PPP3CA: variants seen among roughly 807,000 people sequenced by gnomAD.
PPP3CA encodes protein phosphatase 3 catalytic subunit alpha.
In PPP3CA, 14 loss-of-function variants were observed where a neutral mutation model predicts 66.5. That is an observed-to-expected ratio of 0.21 (90% CI 0.14 to 0.33). The LOEUF is 0.33. PPP3CA is among the 10% of genes least tolerant of loss of function. The pLI is 1.00. For missense variants in PPP3CA, 317 were observed against 639.5 expected, an observed-to-expected ratio of 0.50 and a Z score of 5.44; for synonymous variants, 232 against 226.2, an observed-to-expected ratio of 1.03 and a Z score of -0.23.
chr4:101,142,218 C>A (rs370551191), intron 2 of PPP3CA, among the ~76,000 whole-genome samples: 2 of 152,100 alleles, frequency 1.3e-5, no homozygotes, highest in African/African-American at 2.4e-5. Context: ...ATTATCTGTA[C>A]AGAAGTAAGC....
At chr4:101,300,391 A>G (rs1276911662) in intron 1 of PPP3CA, among the ~76,000 whole-genome samples, 1 of 152,252 alleles carries the variant, frequency 6.6e-6, no homozygotes, top group Non-Finnish European at 1.5e-5. Flanking sequence ...CATAAAGGAC[A>G]AATATCACAT....
chr4:101,063,386 A>C (rs779008232), intron 8 of PPP3CA, 29 bp from the exon 9 acceptor site: 2 of 1,593,840 alleles, frequency 1.3e-6, no homozygotes, highest in Admixed American at 3.5e-5. Flanking sequence ...GGATGTTAGG[A>C]ACACAGAACA....
chr4:101,066,467 C>T (rs1313777077), intron 8 of PPP3CA, among the ~76,000 whole-genome samples: 2 of 151,858 alleles, frequency 1.3e-5, no homozygotes, highest in Non-Finnish European at 2.9e-5. Context: ...ATCACTAATG[C>T]AAAAAATAAT....
At chr4:101,226,723 A>T (rs1482094673) in intron 1 of PPP3CA, among the ~76,000 whole-genome samples, 1 of 151,664 alleles carries the variant, frequency 6.6e-6, no homozygotes, top group Non-Finnish European at 1.5e-5. Flanking sequence ...TTTCATATGA[A>T]GCCTAAGACT....
intron 2 of PPP3CA, among the ~76,000 whole-genome samples, chr4:101,136,323 T>A (rs1041478236): frequency 2.6e-5 from 4 of 152,050 alleles, no homozygotes; most frequent in African/African-American, 9.7e-5. Flanking sequence ...GGTAGATCAC[T>A]GGAGGTCAGG....
intron 1 of PPP3CA, among the ~76,000 whole-genome samples, chr4:101,274,335 C>A (rs1170400622): frequency 6.6e-6 from 1 of 152,076 alleles, no homozygotes; most frequent in East Asian, 1.9e-4. Context: ...TAAAGGAGAA[C>A]TAACATAGAT....
intron 2 of PPP3CA, among the ~76,000 whole-genome samples, chr4:101,134,308 A>G (rs567624341): frequency 1.8e-4 from 27 of 152,358 alleles, no homozygotes; most frequent in African/African-American, 6.5e-4. Flanking sequence ...CAGGCAACCT[A>G]CAGAATGGAA....
At chr4:101,042,554 T>C (rs1727571303) in intron 10 of PPP3CA, among the ~76,000 whole-genome samples, 1 of 152,180 alleles carries the variant, frequency 6.6e-6, no homozygotes, top group Non-Finnish European at 1.5e-5. Flanking sequence ...AGCAAAACCA[T>C]GGGTTCTCAT....
intron 1 of PPP3CA, among the ~76,000 whole-genome samples, chr4:101,243,902 C>T (rs990317927): frequency 1.3e-5 from 2 of 152,116 alleles, no homozygotes; most frequent in Admixed American, 6.5e-5. Context: ...ATGTACTTTC[C>T]AGTTCAAAAC....
At chr4:101,308,918 C>G (rs1460915589) in intron 1 of PPP3CA, among the ~76,000 whole-genome samples, 1 of 152,092 alleles carries the variant, frequency 6.6e-6, no homozygotes, top group Non-Finnish European at 1.5e-5. Flanking sequence ...ACCTCCTGGT[C>G]GGGCATTGTG....
chr4:101,207,107 G>A (rs1033913842), intron 1 of PPP3CA, among the ~76,000 whole-genome samples: 1 of 151,988 alleles, frequency 6.6e-6, no homozygotes, highest in African/African-American at 2.4e-5. Context: ...GTGAATGCAG[G>A]GTCACAAATA....
chr4:101,187,054 T>C (rs1724433603), intron 2 of PPP3CA, among the ~76,000 whole-genome samples: 1 of 152,170 alleles, frequency 6.6e-6, no homozygotes, highest in African/African-American at 2.4e-5. Flanking sequence ...GTGAATATCC[T>C]GCTGAGTGGT....
intron 8 of PPP3CA, among the ~76,000 whole-genome samples, chr4:101,069,182 A>G (rs1728806927): frequency 6.6e-6 from 1 of 152,048 alleles, no homozygotes; most frequent in Non-Finnish European, 1.5e-5. Flanking sequence ...CTACAGGCAC[A>G]CACCACCATG....
chr4:101,114,736 A>T (rs1013805832), intron 2 of PPP3CA, among the ~76,000 whole-genome samples: 1 of 152,088 alleles, frequency 6.6e-6, no homozygotes, highest in South Asian at 2.1e-4. Flanking sequence ...ATTTTAAGCA[A>T]AACTTTATGG....
At chr4:101,062,085 A>G (rs1728487730) in intron 9 of PPP3CA, among the ~76,000 whole-genome samples, 1 of 152,056 alleles carries the variant, frequency 6.6e-6, no homozygotes, top group Admixed American at 6.6e-5. Context: ...GTTAATTTCT[A>G]ATAAATGTCC....
At chr4:101,196,265 T>C in intron 1 of PPP3CA, 149 bp from the exon 2 acceptor site, 2 of 743,336 alleles carry the variant, frequency 2.7e-6, no homozygotes, top group East Asian at 2.7e-5. Flanking sequence ...GGGCTATCTA[T>C]CAAAAATTAA....
At chr4:101,032,426 G>T in intron 11 of PPP3CA, 62 bp from the exon 12 acceptor site, 1 of 1,406,590 alleles carries the variant, frequency 7.1e-7, no homozygotes, top group Non-Finnish European at 9.9e-7. Flanking sequence ...AGAAAGAAAT[G>T]ACTGAAAGGA....
chr4:101,336,980 TC>T (rs1729653532), intron 1 of PPP3CA, among the ~76,000 whole-genome samples: 1 of 152,268 alleles, frequency 6.6e-6, no homozygotes, highest in African/African-American at 2.4e-5. Flanking sequence ...CATCCCCCAA[TC>T]CTTCTCCCCA....
At position 101,338,591 on chromosome 4, in the gene PPP3CA, C is replaced by A. The variant is rs75773009; in HGVS notation, c.58+8148G>T. The stretch of plus-strand genomic sequence containing the variant: ...TGGGGAGGAGAGGCAGACAAGGAAA[C>A]AAGTCATCACAGCAACATGCTCTTA... On this transcript the variant is annotated intron_variant, in intron 1 of 13. Coordinates refer to ENST00000394854, the MANE Select transcript of PPP3CA (RefSeq NM_000944.5). Among the ~76,000 whole-genome samples, 85 of 152,274 alleles carry A rather than the reference C, an allele frequency of 5.6e-4. 3 individuals carry two copies. In the East Asian group the frequency reaches 0.016, roughly 28 times the overall value.
Sources: gnomAD v4.1 joint callset for allele counts (sites outside exome capture counted in the v4.1 genomes callset) on GRCh38, gnomAD v4.1.1 for gene constraint, MANE v1.5 for transcripts, NCBI Gene and HGNC (gene_info 2026-07-23, HGNC 2026-07-21) for gene names.